PALLD: variants seen among roughly 807,000 people sequenced by gnomAD.
PALLD encodes palladin, cytoskeletal associated protein, also known as palladin.
In PALLD, 61 loss-of-function variants were observed where a neutral mutation model predicts 123.5. The observed-to-expected ratio is 0.49, with a 90% CI of 0.40 to 0.61. The LOEUF (loss-of-function observed/expected upper bound fraction) is 0.61. PALLD is among the 20% of genes least tolerant of loss of function. The pLI is 0.00. For missense variants in PALLD, 1,273 were observed against 1,377.0 expected (o/e 0.92, Z 1.20); for synonymous variants, 465 against 496.4 (o/e 0.94, Z 0.84).
At chr4:168,910,220 C>CTTTTTTTTTT (rs70961563) in intron 15 of PALLD, among the ~76,000 whole-genome samples, 1 of 114,010 alleles carries the variant, frequency 8.8e-6, no homozygotes, top group Non-Finnish European at 1.8e-5. Flanking sequence ...AACCTGTTTA[C>CTTTTTTTTTT]TTTTTTTTTT....
rs1294086996 is a variant in PALLD at position 168,922,100 on chromosome 4, TATACACACACACAC to T, written c.3058+361_3058+374del. Among the ~76,000 whole-genome samples, 559 of 96,638 alleles carry T rather than the reference TATACACACACACAC, an allele frequency of 5.8e-3. 3 individuals are homozygous for T. Among genetic ancestry groups the T allele is most frequent in the East Asian group, 0.021 (57 of 2,732 alleles). The allele number at this position is 96,638 out of a possible 152,430, so 63.4% of individuals were successfully genotyped here. A position where few individuals can be genotyped will look rare whatever the true frequency, so the allele number is the denominator to read the frequency against. On this transcript the variant is annotated intron_variant, in intron 18 of 21. Coordinates refer to ENST00000505667, the MANE Select transcript of PALLD (RefSeq NM_001166108.2). ...AGTTTTATATTTATATATATATATATATACACACACACACACACACACACACACACACACACACA... is the reference window on the plus strand; with the variant it reads ...AGTTTTATATTTATATATATATATATACACACACACACACACACACACACA...
intron 3 of PALLD, among the ~76,000 whole-genome samples, chr4:168,672,207 A>G (rs1188456011): frequency 1.3e-5 from 2 of 152,346 alleles, no homozygotes; most frequent in East Asian, 3.9e-4. Context: ...GGTAATTAGC[A>G]TATCCATCAT....
chr4:168,733,915 T>C (rs1378074540), intron 10 of PALLD, among the ~76,000 whole-genome samples: 1 of 152,174 alleles, frequency 6.6e-6, no homozygotes, highest in Non-Finnish European at 1.5e-5. Context: ...TTTTGTATTT[T>C]TAGTAGAGAC....
At chr4:168,567,580 T>G (rs924447389) in intron 2 of PALLD, among the ~76,000 whole-genome samples, 5 of 146,940 alleles carry the variant, frequency 3.4e-5, no homozygotes, top group African/African-American at 1.2e-4. Context: ...TGTAGATATA[T>G]ATATTATACA....
intron 10 of PALLD, among the ~76,000 whole-genome samples, chr4:168,860,446 G>A (rs959806417): frequency 9.2e-5 from 14 of 152,304 alleles, no homozygotes; most frequent in Non-Finnish European, 1.9e-4. Flanking sequence ...AAAGAGAGAT[G>A]GGAGTACTCT....
At chr4:168,657,886 A>G (rs1236869260) in intron 2 of PALLD, among the ~76,000 whole-genome samples, 1 of 152,164 alleles carries the variant, frequency 6.6e-6, no homozygotes, top group Non-Finnish European at 1.5e-5. Flanking sequence ...TGTGGGCCCT[A>G]CGTAAATCGG....
chr4:168,593,141 G>T (rs970365133), intron 2 of PALLD, among the ~76,000 whole-genome samples: 8 of 152,104 alleles, frequency 5.3e-5, no homozygotes, highest in Non-Finnish European at 1.0e-4. Context: ...GGCTCTGCTG[G>T]ATTGTTAAAA....
At chr4:168,918,325 G>GAT (rs71588177) in intron 17 of PALLD, among the ~76,000 whole-genome samples, 23,202 of 149,462 alleles carry the variant, frequency 0.16, 1,887 homozygotes, top group Middle Eastern at 0.25. Context: ...GAAAATATGA[G>GAT]ATATATATAT....
In PALLD at chr4:168,580,759, G is replaced by A. The variant is rs894343287; in HGVS notation, c.908+68347G>A. 2.0e-5 allele frequency among the ~76,000 whole-genome samples: 3 copies of A among 152,044 alleles called. No individual in the cohort carries two copies. In the East Asian group the frequency reaches 5.8e-4, roughly 29 times the overall value. Reference sequence around the variant, plus strand: ...CAGTGGTAGACTGGATAAAGAAAATGTGGCACATATACATCATGGAATACT... The same window carrying A: ...CAGTGGTAGACTGGATAAAGAAAATATGGCACATATACATCATGGAATACT... On this transcript the variant is annotated intron_variant, in intron 2 of 21. Transcript: ENST00000505667.
intron 10 of PALLD, among the ~76,000 whole-genome samples, chr4:168,838,667 C>CT (rs70961558): frequency 0.043 from 3,818 of 88,700 alleles, 541 homozygotes; most frequent in East Asian, 0.071. Flanking sequence ...CTTCTAACTC[C>CT]TTTTTTTTTT....
chr4:168,727,175 T>C (rs1431294090), intron 10 of PALLD, among the ~76,000 whole-genome samples: 1 of 152,218 alleles, frequency 6.6e-6, no homozygotes, highest in East Asian at 1.9e-4. Context: ...TGAATAGTGC[T>C]ACAGTGAACA....
In PALLD at chr4:168,666,949, G is replaced by C. The variant is rs765284365; in HGVS notation, c.909-1241G>C. Among the ~76,000 whole-genome samples the C allele has an allele frequency of 2.6e-5, 4 of 152,184 alleles. No individual in the cohort carries two copies. The South Asian group carries it at 8.3e-4, about 32-fold the overall frequency. On this transcript the variant is annotated intron_variant, in intron 2 of 21. Transcript: ENST00000505667. ...CAGTGCCCCAGAATCAAGAAATACT[G>C]TCCTGCTCCGTTGCCCCCAAAATAA...
intron 2 of PALLD, among the ~76,000 whole-genome samples, chr4:168,586,690 T>A (rs1221760167): frequency 2.0e-5 from 3 of 152,142 alleles, no homozygotes; most frequent in African/African-American, 7.2e-5. Context: ...AGCTGATTGC[T>A]TCCTGGGTTC....
chr4:168,761,873 A>C (rs1489998206), intron 10 of PALLD, among the ~76,000 whole-genome samples: 1 of 151,676 alleles, frequency 6.6e-6, no homozygotes, highest in Non-Finnish European at 1.5e-5. Context: ...CTGGACCTGC[A>C]CAGGATTAGA....
rs188045956 is a variant in PALLD at position 168,583,604 on chromosome 4, A to T, written c.908+71192A>T. ...CCTCTGGAAATATTTCCAGTGCACC[A>T]ATCAGTTTGATGGAGTTGGATAAAG... On this transcript the variant is annotated intron_variant, in intron 2 of 21. Transcript: ENST00000505667. 5.3e-5 allele frequency among the ~76,000 whole-genome samples: 8 copies of T among 152,278 alleles called. No homozygotes were observed. The East Asian group carries it at 1.5e-3, about 29-fold the overall frequency.
intron 10 of PALLD, among the ~76,000 whole-genome samples, chr4:168,714,188 G>T (rs921474286): frequency 6.6e-6 from 1 of 151,946 alleles, no homozygotes; most frequent in Non-Finnish European, 1.5e-5. Context: ...CAACACAGAG[G>T]CTATTAAAGT....
chr4:168,754,357 A>G (rs1731481010), intron 10 of PALLD, among the ~76,000 whole-genome samples: 1 of 152,300 alleles, frequency 6.6e-6, no homozygotes, highest in South Asian at 2.1e-4. Flanking sequence ...CTTTTGATAC[A>G]TGGTTTATTT....
intron 9 of PALLD, among the ~76,000 whole-genome samples, chr4:168,710,222 T>C (rs907457429): frequency 2.0e-5 from 3 of 152,192 alleles, no homozygotes; most frequent in Non-Finnish European, 2.9e-5. Flanking sequence ...TATATGGATA[T>C]TTTCTAAACT....
At position 168,678,654 on chromosome 4, in the gene PALLD, G is replaced by GC. The variant is rs200531691; in HGVS notation, c.1088-2672dup. On this transcript the variant is annotated intron_variant, in intron 3 of 21. Transcript: ENST00000505667. ...CCTTGCCACCATCCTTAAAATTGCA[G>GC]CCCCCCGGGAAGTCCCATCACAGCC... Among the ~76,000 whole-genome samples the GC allele has an allele frequency of 7.1e-3, 1,074 of 152,118 alleles. 18 individuals carry two copies. The highest frequency in any genetic ancestry group is 0.024 in the African/African-American group (1,015 of 41,492).
Sources: gnomAD v4.1 joint callset for allele counts (sites outside exome capture counted in the v4.1 genomes callset) on GRCh38, gnomAD v4.1.1 for gene constraint, MANE v1.5 for transcripts, NCBI Gene and HGNC (gene_info 2026-07-23, HGNC 2026-07-21) for gene names.